FOXP1: variants seen among roughly 807,000 people sequenced by gnomAD.
FOXP1 encodes forkhead box protein P1.
In FOXP1, 15 loss-of-function variants were observed where a neutral mutation model predicts 98.2. The ratio of observed to expected loss-of-function variants is 0.15; its 90% CI spans 0.10 to 0.24. FOXP1 has a LOEUF of 0.24. Among genes scored for constraint, FOXP1 ranks in the 10% least tolerant of loss-of-function variants. FOXP1 has a pLI of 1.00. For missense variants in FOXP1, 633 were observed against 848.5 expected, an observed-to-expected ratio of 0.75 and a Z score of 3.15; for synonymous variants, 371 against 314.5, an observed-to-expected ratio of 1.18 and a Z score of -1.90.
At chr3:71,210,508 G>C (rs570187620) in intron 5 of FOXP1, among the ~76,000 whole-genome samples, 1 of 152,312 alleles carries the variant, frequency 6.6e-6, no homozygotes, top group African/African-American at 2.4e-5. Flanking sequence ...TGGACATGCA[G>C]GGAAGAGACA....
At chr3:71,092,777 G>C (rs2056018411) in intron 7 of FOXP1, among the ~76,000 whole-genome samples, 1 of 151,870 alleles carries the variant, frequency 6.6e-6, no homozygotes, top group Non-Finnish European at 1.5e-5. Context: ...AGAGAAAATG[G>C]AGGCAGTAGA....
At chr3:71,539,446 G>C (rs374576145) in intron 2 of FOXP1, among the ~76,000 whole-genome samples, 1 of 151,014 alleles carries the variant, frequency 6.6e-6, no homozygotes, top group Non-Finnish European at 1.5e-5. Flanking sequence ...CAAGTGTTTT[G>C]GCTATTCTGG....
At chr3:71,428,083 G>C (rs966473223) in intron 3 of FOXP1, among the ~76,000 whole-genome samples, 4 of 152,154 alleles carry the variant, frequency 2.6e-5, no homozygotes, top group African/African-American at 7.2e-5. Context: ...TGCTATCATA[G>C]CTTTTAATCA....
intron 19 of FOXP1, chr3:70,968,660 G>A (rs1237368532): frequency 2.6e-5 from 4 of 152,172 alleles, no homozygotes; most frequent in African/African-American, 7.2e-5. Flanking sequence ...CAAGTCCCAT[G>A]TTTTATTTCT....
At chr3:71,423,251 G>A (rs561252759) in intron 3 of FOXP1, among the ~76,000 whole-genome samples, 1 of 152,332 alleles carries the variant, frequency 6.6e-6, no homozygotes, top group African/African-American at 2.4e-5. Flanking sequence ...TGAGGAAGCA[G>A]AGAGAGACAT....
intron 6 of FOXP1, among the ~76,000 whole-genome samples, chr3:71,165,938 C>G (rs977974721): frequency 2.6e-5 from 4 of 152,218 alleles, no homozygotes; most frequent in Non-Finnish European, 5.9e-5. Context: ...AGCAACTGAA[C>G]TCAATCTTTC....
intron 2 of FOXP1, among the ~76,000 whole-genome samples, chr3:71,494,697 G>A (rs2091288158): frequency 6.6e-6 from 1 of 152,060 alleles, no homozygotes; most frequent in Non-Finnish European, 1.5e-5. Context: ...CAGATTCCTG[G>A]GACCCATCCC....
At chr3:71,388,307 T>C (rs1560411620) in intron 3 of FOXP1, among the ~76,000 whole-genome samples, 1 of 152,192 alleles carries the variant, frequency 6.6e-6, no homozygotes, top group African/African-American at 2.4e-5. Context: ...AACGGCCCAA[T>C]TGTCTTACCT....
chr3:71,257,309 G>T (rs2068709541), intron 5 of FOXP1, among the ~76,000 whole-genome samples: 1 of 152,138 alleles, frequency 6.6e-6, no homozygotes, highest in African/African-American at 2.4e-5. Flanking sequence ...AGGCATGGTG[G>T]CTCACGCCTG....
chr3:70,993,235 T>G (rs1235760447), intron 13 of FOXP1, among the ~76,000 whole-genome samples: 1 of 151,130 alleles, frequency 6.6e-6, no homozygotes, highest in Non-Finnish European at 1.5e-5. Context: ...GTGTAGATGA[T>G]TTGGGAGATG....
At chr3:71,248,234 C>G (rs1370184599) in intron 5 of FOXP1, among the ~76,000 whole-genome samples, 1 of 152,120 alleles carries the variant, frequency 6.6e-6, no homozygotes, top group African/African-American at 2.4e-5. Flanking sequence ...TATATGTTAG[C>G]CTTTATGGGA....
At chr3:71,311,256 T>G (rs1406957506) in intron 4 of FOXP1, among the ~76,000 whole-genome samples, 1 of 152,060 alleles carries the variant, frequency 6.6e-6, no homozygotes, top group Non-Finnish European at 1.5e-5. Flanking sequence ...GCCTCACTAG[T>G]TTTTTCAATT....
chr3:71,100,864 G>A (rs145332777), intron 7 of FOXP1, among the ~76,000 whole-genome samples: 61 of 152,288 alleles, frequency 4.0e-4, no homozygotes, highest in African/African-American at 1.4e-3. Flanking sequence ...AAGCTGGAAT[G>A]CTAATTAACT....
intron 3 of FOXP1, among the ~76,000 whole-genome samples, chr3:71,468,498 A>G (rs1577679064): frequency 2.0e-5 from 3 of 152,156 alleles, no homozygotes; most frequent in African/African-American, 7.2e-5. Context: ...TCTCTGGAGA[A>G]CAGCGGGGTG....
intron 19 of FOXP1, chr3:70,968,363 G>GTTTTT (rs36077201): frequency 1.1e-4 from 13 of 119,230 alleles, no homozygotes; most frequent in East Asian, 2.6e-4. Flanking sequence ...CTAACAAAGT[G>GTTTTT]TTTTTTTTTT....
intron 7 of FOXP1, among the ~76,000 whole-genome samples, chr3:71,057,454 G>A (rs1192814488): frequency 1.5e-5 from 2 of 135,958 alleles, no homozygotes; most frequent in East Asian, 2.2e-4. Context: ...CTCAAAAGAC[G>A]ATTTAAATAT....
At chr3:71,467,422 G>A (rs1273628064) in intron 3 of FOXP1, among the ~76,000 whole-genome samples, 1 of 152,076 alleles carries the variant, frequency 6.6e-6, no homozygotes, top group East Asian at 1.9e-4. Context: ...GTGGGTGGTG[G>A]ACAAATGGAA....
intron 6 of FOXP1, among the ~76,000 whole-genome samples, chr3:71,186,867 T>TGAC (rs2062679048): frequency 6.6e-6 from 1 of 152,268 alleles, no homozygotes. Flanking sequence ...TGCCATTCAT[T>TGAC]AATCCAGAGA....
intron 3 of FOXP1, among the ~76,000 whole-genome samples, chr3:71,437,522 A>C (rs1444313958): frequency 6.6e-6 from 1 of 152,190 alleles, no homozygotes; most frequent in Non-Finnish European, 1.5e-5. Flanking sequence ...ACTCACCAGG[A>C]ATGGCAGATG....
Sources: allele counts gnomAD v4.1 joint callset (sites outside exome capture counted in the v4.1 genomes callset), GRCh38; gene constraint gnomAD v4.1.1; transcripts MANE v1.5; gene names NCBI Gene and HGNC (gene_info 2026-07-23, HGNC 2026-07-21).